Variants in FAF1 observed in about 807,000 individuals in gnomAD.
The protein encoded by FAF1 is Fas associated factor 1.
FAF1 carries 25 observed loss-of-function variants against 92.5 expected under a neutral mutation model. The ratio of observed to expected loss-of-function variants is 0.27; its 90% CI spans 0.20 to 0.38. The LOEUF (loss-of-function observed/expected upper bound fraction) is 0.38, where lower values mean the gene tolerates loss of function less well. Ranked by LOEUF, FAF1 falls within the 10% of genes least tolerant of loss-of-function variation. The pLI is 1.00. For missense variants in FAF1, 636 were observed against 793.3 expected (o/e 0.80, Z 2.38); for synonymous variants, 234 against 273.2 (o/e 0.86, Z 1.42).
chr1:50,834,388 G>C (rs1182263891), intron 2 of FAF1, among the ~76,000 whole-genome samples: 1 of 152,108 alleles, frequency 6.6e-6, no homozygotes, highest in Admixed American at 6.6e-5. Flanking sequence ...AGTGAAACTC[G>C]TAAGACCACT....
At chr1:50,684,051 G>A (rs1001795668) in intron 7 of FAF1, among the ~76,000 whole-genome samples, 1 of 152,090 alleles carries the variant, frequency 6.6e-6, no homozygotes, top group African/African-American at 2.4e-5. Flanking sequence ...AATGTGAAAG[G>A]AAATCTTTCA....
intron 4 of FAF1, chr1:50,780,904 C>T: frequency 2.1e-6 from 1 of 485,270 alleles, no homozygotes; most frequent in Non-Finnish European, 4.1e-6. Context: ...CATGGCTCAG[C>T]AGGAAGCAGA....
chr1:50,782,077 C>T (rs969584239), intron 4 of FAF1, among the ~76,000 whole-genome samples: 3 of 152,084 alleles, frequency 2.0e-5, no homozygotes, highest in Non-Finnish European at 4.4e-5. Context: ...CACATAGAAT[C>T]GTATATAGTA....
At chr1:50,621,702 G>A (rs900793817) in intron 8 of FAF1, among the ~76,000 whole-genome samples, 30 of 151,846 alleles carry the variant, frequency 2.0e-4, no homozygotes, top group Non-Finnish European at 4.3e-4. Context: ...ACCTGGCCCA[G>A]CCCCGATCTT....
intron 1 of FAF1, among the ~76,000 whole-genome samples, chr1:50,882,903 T>C (rs991048738): frequency 2.0e-5 from 3 of 151,724 alleles, no homozygotes; most frequent in Non-Finnish European, 4.4e-5. Flanking sequence ...GGAGAATCAC[T>C]TGAACACGGG....
In FAF1 at chr1:50,545,367, C is replaced by A. The variant is rs369015554; in HGVS notation, c.1269-5639G>T. On this transcript the variant is annotated intron_variant, in intron 13 of 18. Transcript: ENST00000396153. The stretch of plus-strand genomic sequence containing the variant: ...TTGGCTTACTGCAACCTCCGCCTCC[C>A]GAGTGATTCTCCTGCCTCAGCCTCC... Among the ~76,000 whole-genome samples, 9 of 152,188 alleles carry A rather than the reference C, an allele frequency of 5.9e-5. No individual in the cohort carries two copies. In the South Asian group the frequency reaches 1.9e-3, roughly 32 times the overall value.
intron 12 of FAF1, among the ~76,000 whole-genome samples, chr1:50,573,763 A>G (rs1000239489): frequency 6.6e-6 from 1 of 151,784 alleles, no homozygotes; most frequent in Non-Finnish European, 1.5e-5. Context: ...GAGGACACAG[A>G]TATCTGAATC....
At chr1:50,815,955 A>G (rs186497765) in intron 2 of FAF1, among the ~76,000 whole-genome samples, 1 of 150,956 alleles carries the variant, frequency 6.6e-6, no homozygotes, top group East Asian at 2.0e-4. Context: ...TGAACCTGGG[A>G]GGTAGAGGTT....
chr1:50,907,273 T>A (rs1644847741), intron 1 of FAF1, among the ~76,000 whole-genome samples: 1 of 152,218 alleles, frequency 6.6e-6, no homozygotes, highest in Non-Finnish European at 1.5e-5. Context: ...GCTGCTGCAT[T>A]TGCTTTGCCA....
At chr1:50,608,599 G>A (rs1652535762) in intron 8 of FAF1, among the ~76,000 whole-genome samples, 1 of 152,172 alleles carries the variant, frequency 6.6e-6, no homozygotes, top group Admixed American at 6.5e-5. Context: ...TAGGAGGGGA[G>A]GGGAAGAAGT....
intron 1 of FAF1, among the ~76,000 whole-genome samples, chr1:50,862,513 T>G (rs773258647): frequency 5.3e-5 from 8 of 151,748 alleles, no homozygotes; most frequent in Non-Finnish European, 7.4e-5. Flanking sequence ...TCGTATTTGT[T>G]AGCACAATAG....
intron 1 of FAF1, among the ~76,000 whole-genome samples, chr1:50,955,358 C>T (rs1203655649): frequency 6.6e-6 from 1 of 152,174 alleles, no homozygotes; most frequent in Non-Finnish European, 1.5e-5. Flanking sequence ...CCTTTACACC[C>T]CCTCCTGGCT....
intron 9 of FAF1, among the ~76,000 whole-genome samples, chr1:50,594,786 G>A (rs1020285547): frequency 2.0e-5 from 3 of 149,886 alleles, no homozygotes; most frequent in Admixed American, 1.3e-4. Flanking sequence ...CAGGACAATC[G>A]CTTGAACCTG....
At chr1:50,771,274 C>T (rs1196187829) in intron 4 of FAF1, among the ~76,000 whole-genome samples, 1 of 152,088 alleles carries the variant, frequency 6.6e-6, no homozygotes, top group African/African-American at 2.4e-5. Flanking sequence ...AACTAAAGAG[C>T]TTCTGCACAG....
At chr1:50,525,259 A>T (rs1459328159) in intron 15 of FAF1, among the ~76,000 whole-genome samples, 1 of 152,228 alleles carries the variant, frequency 6.6e-6, no homozygotes, top group Non-Finnish European at 1.5e-5. Context: ...AATAACACTG[A>T]ATCTATAAAT....
rs1028903869 is a variant in FAF1, at chr1:50,550,943, A to G, written c.1269-11215T>C. On this transcript the variant is annotated intron_variant, in intron 13 of 18. Coordinates refer to ENST00000396153, the MANE Select transcript of FAF1 (RefSeq NM_007051.3). ...TGCTCTCAGGTGTGTGATCTGGCAT[A>G]TAAGAGAAATACAATAGATACATAT... Among the ~76,000 whole-genome samples, 4 of 152,344 alleles carry G rather than the reference A, an allele frequency of 2.6e-5. No homozygotes were observed. The South Asian group carries it at 6.2e-4, about 24-fold the overall frequency.
At chr1:50,667,890 T>G (rs1238273251) in intron 7 of FAF1, among the ~76,000 whole-genome samples, 1 of 152,210 alleles carries the variant, frequency 6.6e-6, no homozygotes, top group Non-Finnish European at 1.5e-5. Context: ...ATAATGACTA[T>G]ATCCCTTCCC....
intron 17 of FAF1, among the ~76,000 whole-genome samples, chr1:50,481,724 T>C (rs1248527613): frequency 6.6e-6 from 1 of 151,920 alleles, no homozygotes; most frequent in African/African-American, 2.4e-5. Flanking sequence ...GGGGTAAAAT[T>C]TTAAATACTG....
intron 18 of FAF1, among the ~76,000 whole-genome samples, chr1:50,454,833 C>T (rs924538318): frequency 1.3e-5 from 2 of 152,212 alleles, no homozygotes; most frequent in African/African-American, 4.8e-5. Flanking sequence ...GTCTGTCTCT[C>T]CAGCCAGGTT....
Sources: gnomAD v4.1 joint callset for allele counts (sites outside exome capture counted in the v4.1 genomes callset) on GRCh38, gnomAD v4.1.1 for gene constraint, MANE v1.5 for transcripts, NCBI Gene and HGNC (gene_info 2026-07-23, HGNC 2026-07-21) for gene names.